MPP7: variants seen among roughly 807,000 people sequenced by gnomAD.
The protein encoded by MPP7 is MAGUK p55 scaffold protein 7, also known as MAGUK p55 subfamily member 7.
MPP7 carries 60 observed loss-of-function variants against 76.5 expected under a neutral mutation model. The ratio of observed to expected loss-of-function variants is 0.78; its 90% CI spans 0.64 to 0.97. The LOEUF is 0.97. Among genes scored for constraint, MPP7 ranks in the 50% least tolerant of loss-of-function variants. The pLI is 0.00. For synonymous variants in MPP7, 237 were observed against 244.5 expected (o/e 0.97, Z 0.29); for missense variants, 641 against 694.0 (o/e 0.92, Z 0.86).
intron 1 of MPP7, among the ~76,000 whole-genome samples, chr10:28,333,970 A>T (rs1834493788): frequency 2.6e-5 from 4 of 152,154 alleles, no homozygotes; most frequent in Admixed American, 2.6e-4. Flanking sequence ...AGGCGGGCGG[A>T]TCACTTGAGG....
intron 3 of MPP7, among the ~76,000 whole-genome samples, chr10:28,201,480 A>G (rs1323177588): frequency 6.6e-6 from 1 of 152,152 alleles, no homozygotes; most frequent in Non-Finnish European, 1.5e-5. Flanking sequence ...ATATTTCCAG[A>G]AGCACAAGTG....
At chr10:28,059,173 G>A (rs1048744253) in intron 14 of MPP7, among the ~76,000 whole-genome samples, 1 of 152,200 alleles carries the variant, frequency 6.6e-6, no homozygotes, top group Non-Finnish European at 1.5e-5. Flanking sequence ...CTGGGCAGGG[G>A]GCACTGGGGT....
chr10:28,058,893 G>A (rs1851667565), intron 14 of MPP7, among the ~76,000 whole-genome samples: 2 of 152,058 alleles, frequency 1.3e-5, no homozygotes, highest in African/African-American at 2.4e-5. Context: ...CAGAACTAAT[G>A]CAATGCAATA....
chr10:28,143,863 G>C (rs1240572948), intron 5 of MPP7, among the ~76,000 whole-genome samples: 6 of 28,564 alleles, frequency 2.1e-4, no homozygotes, highest in East Asian at 8.7e-4. Context: ...TGCTGTGTGT[G>C]TGTGTGTGTG....
At chr10:28,324,449 G>A (rs1405918003) in intron 2 of MPP7, among the ~76,000 whole-genome samples, 2 of 152,134 alleles carry the variant, frequency 1.3e-5, no homozygotes, top group South Asian at 2.1e-4. Context: ...TATGTACCAC[G>A]AATGGTTCTA....
Position 28,069,618 on chromosome 10 carries a change from A to C in MPP7, c.1204+154T>G, listed in dbSNP as rs540294899. Among the ~76,000 whole-genome samples, 23 of 143,334 alleles carry C rather than the reference A, an allele frequency of 1.6e-4. 1 individual carries two copies. The highest frequency in any genetic ancestry group is 6.0e-4 in the African/African-American group (23 of 38,400). 94.0% of individuals were successfully genotyped at this position (143,334 alleles called of 152,430 possible). On this transcript the variant is annotated intron_variant, in intron 13 of 16. Transcript: ENST00000683449. Reference sequence around the variant, plus strand: ...ACTCCATCTCAAAAAAACAAAACAAACAAAAAAAAAACTCACATGCCCCAT... The same window carrying C: ...ACTCCATCTCAAAAAAACAAAACAACCAAAAAAAAAACTCACATGCCCCAT...
intron 2 of MPP7, among the ~76,000 whole-genome samples, chr10:28,312,158 T>C (rs1011345556): frequency 6.6e-6 from 1 of 152,190 alleles, no homozygotes; most frequent in Non-Finnish European, 1.5e-5. Flanking sequence ...GAGCTGATTG[T>C]CGCTGCTGGC....
At chr10:28,285,511 T>G (rs1684967248) in intron 1 of MPP7, among the ~76,000 whole-genome samples, 1 of 152,194 alleles carries the variant, frequency 6.6e-6, no homozygotes. Flanking sequence ...ACTAACTAGA[T>G]CTCAAAGAGT....
chr10:28,089,473 G>A (rs1434451335), intron 12 of MPP7, among the ~76,000 whole-genome samples, 198 bp downstream of exon 12: 2 of 152,112 alleles, frequency 1.3e-5, no homozygotes, highest in African/African-American at 2.4e-5. Context: ...CGACAGTACC[G>A]TTCTTCAGAA....
At chr10:28,134,685 T>C (rs1835300423) in intron 5 of MPP7, among the ~76,000 whole-genome samples, 2 of 152,102 alleles carry the variant, frequency 1.3e-5, no homozygotes, top group South Asian at 4.1e-4. Context: ...AAGCCTGATA[T>C]ATCCTTTAGG....
intron 1 of MPP7, among the ~76,000 whole-genome samples, chr10:28,294,388 A>T (rs942927097): frequency 2.0e-4 from 31 of 152,196 alleles, no homozygotes; most frequent in Middle Eastern, 3.2e-3. Flanking sequence ...ACTTTCAGGT[A>T]CTTCCTGTCA....
intron 2 of MPP7, among the ~76,000 whole-genome samples, chr10:28,217,270 TG>T (rs1221332213): frequency 6.6e-6 from 1 of 152,100 alleles, no homozygotes; most frequent in Non-Finnish European, 1.5e-5. Context: ...GGCTCATGCC[TG>T]TAATCCCAGA....
intron 1 of MPP7, among the ~76,000 whole-genome samples, chr10:28,292,529 C>A (rs1302532038): frequency 6.6e-6 from 1 of 151,810 alleles, no homozygotes; most frequent in Non-Finnish European, 1.5e-5. Context: ...GGATATAGAT[C>A]AGTGTCACCA....
chr10:28,136,803 C>A (rs1399299115), intron 5 of MPP7, among the ~76,000 whole-genome samples: 2 of 152,020 alleles, frequency 1.3e-5, no homozygotes, highest in Admixed American at 6.6e-5. Context: ...CAATGAAACA[C>A]AGGGAGAAAA....
chr10:28,287,419 G>A (rs1323291323), intron 1 of MPP7, among the ~76,000 whole-genome samples: 1 of 152,182 alleles, frequency 6.6e-6, no homozygotes, highest in African/African-American at 2.4e-5. Flanking sequence ...TTGTGGAGAT[G>A]GTAAATGTAA....
chr10:28,106,546 G>C (rs1263091405), intron 11 of MPP7, among the ~76,000 whole-genome samples: 3 of 152,148 alleles, frequency 2.0e-5, no homozygotes, highest in Non-Finnish European at 4.4e-5. Flanking sequence ...AAAGATATTT[G>C]AAAGAAAAAG....
intron 8 of MPP7, among the ~76,000 whole-genome samples, chr10:28,122,402 T>C (rs964577017): frequency 2.6e-5 from 4 of 152,258 alleles, no homozygotes; most frequent in Middle Eastern, 3.2e-3. Flanking sequence ...ATTTTGTTTA[T>C]ACACATTTAC....
intron 12 of MPP7, among the ~76,000 whole-genome samples, chr10:28,084,021 G>A (rs529130832): frequency 1.3e-5 from 2 of 152,280 alleles, no homozygotes; most frequent in East Asian, 1.9e-4. Context: ...GGAAAAGAAC[G>A]TGTTAGGGGC....
intron 1 of MPP7, among the ~76,000 whole-genome samples, chr10:28,275,818 G>A (rs7100582): frequency 7.3e-5 from 11 of 151,652 alleles, no homozygotes; most frequent in Non-Finnish European, 1.5e-4. Context: ...CCAATCTCAC[G>A]ACAGAGCCAT....
Sources: gnomAD v4.1 joint callset for allele counts (sites outside exome capture counted in the v4.1 genomes callset) on GRCh38, gnomAD v4.1.1 for gene constraint, MANE v1.5 for transcripts, NCBI Gene and HGNC (gene_info 2026-07-23, HGNC 2026-07-21) for gene names.